IMPG2: variants seen among roughly 807,000 people sequenced by gnomAD.
IMPG2 encodes the protein interphotoreceptor matrix proteoglycan 2.
Under a neutral mutation model 129.2 loss-of-function variants are expected in IMPG2, and 91 were observed. The ratio of observed to expected loss-of-function variants is 0.70; its 90% CI spans 0.59 to 0.84. The LOEUF (loss-of-function observed/expected upper bound fraction) is 0.84, where lower values mean the gene tolerates loss of function less well. Ranked by LOEUF, IMPG2 falls within the 40% of genes least tolerant of loss-of-function variation. The probability of loss-of-function intolerance (pLI) is 0.00; values close to 1 mark genes in which losing one functional copy is unlikely to be tolerated. For synonymous variants in IMPG2, 510 were observed against 517.7 expected, an observed-to-expected ratio of 0.99 and a Z score of 0.20; for missense variants, 1,430 against 1,461.7, an observed-to-expected ratio of 0.98 and a Z score of 0.35.
intron 11 of IMPG2, among the ~76,000 whole-genome samples, chr3:101,249,024 C>T (rs555235154): frequency 5.3e-5 from 8 of 152,164 alleles, no homozygotes; most frequent in Non-Finnish European, 8.8e-5. Flanking sequence ...CCTGCTTCCG[C>T]CAAGCCTCAA....
intron 3 of IMPG2, among the ~76,000 whole-genome samples, chr3:101,297,827 T>G (rs1373426328): frequency 6.6e-6 from 1 of 152,222 alleles, no homozygotes; most frequent in East Asian, 1.9e-4. Flanking sequence ...AGTTACGTGA[T>G]CAATTTTAGA....
At chr3:101,232,517 C>T (rs536067055) in intron 15 of IMPG2, among the ~76,000 whole-genome samples, 10 of 152,060 alleles carry the variant, frequency 6.6e-5, no homozygotes, top group African/African-American at 1.7e-4. Flanking sequence ...GGATTACAGG[C>T]GTGAGCCACT....
intron 10 of IMPG2, among the ~76,000 whole-genome samples, chr3:101,254,903 T>TTC (rs370565511): frequency 8.7e-5 from 13 of 149,300 alleles, no homozygotes; most frequent in South Asian, 2.1e-4. Context: ...GTGTGGCACT[T>TTC]TCTCTCTCTC....
chr3:101,245,538 T>C (rs1451488705), intron 12 of IMPG2, among the ~76,000 whole-genome samples: 3 of 152,216 alleles, frequency 2.0e-5, no homozygotes, highest in Non-Finnish European at 4.4e-5. Context: ...AACTAAACTA[T>C]ATACCCTTCA....
rs146270846 is a variant in IMPG2, at chr3:101,292,661, C to G, written c.502-1151G>C. 3.9e-3 allele frequency among the ~76,000 whole-genome samples: 588 copies of G among 152,226 alleles called. 5 individuals carry two copies. Among genetic ancestry groups the G allele is most frequent in the African/African-American group, 0.014 (562 of 41,550 alleles). On this transcript the variant is annotated intron_variant, in intron 3 of 18. Transcript: ENST00000193391. ...AATAAGACAACAATGAATTTGGCCC[C>G]ATCAATTGATTTTTTCTTTCACGAA...
At chr3:101,272,109 AC>A (rs1706790136) in intron 7 of IMPG2, among the ~76,000 whole-genome samples, 1 of 151,600 alleles carries the variant, frequency 6.6e-6, no homozygotes, top group Non-Finnish European at 1.5e-5. Flanking sequence ...GCACACACAC[AC>A]ACACACACAC....
chr3:101,297,715 G>A (rs1378401670), intron 3 of IMPG2, among the ~76,000 whole-genome samples: 1 of 152,158 alleles, frequency 6.6e-6, no homozygotes, highest in African/African-American at 2.4e-5. Context: ...GGTTTTGAGT[G>A]AGTTTCTTAA....
chr3:101,237,307 A>T (rs1250267464), intron 14 of IMPG2, among the ~76,000 whole-genome samples: 4 of 152,140 alleles, frequency 2.6e-5, no homozygotes, highest in African/African-American at 9.7e-5. Context: ...AGACTTAAAC[A>T]TTCCTGCCTG....
Position 101,231,125 on chromosome 3 carries a change from C to A in IMPG2, c.3254G>T (p.Trp1085Leu). 1 of 1,614,082 alleles carries A rather than the reference C, an allele frequency of 6.2e-7. No individual in the cohort carries two copies. The highest frequency in any genetic ancestry group is 2.2e-5 in the East Asian group (1 of 44,874). The part of the protein sequence containing the change: ...AICRCRVGEN[W>L]WYRGKHCEEF... ...CTCACAGTGCTTGCCTCGGTACCAC[C>A]AGTTCTCACCCACCCGGCACCTGCA... is the stretch of plus-strand genomic sequence containing the variant. The change falls in exon 16 of 19, where the codon TGG (tryptophan) becomes TTG (leucine). Residue 1085 changes from tryptophan to leucine, a missense_variant. Physicochemically the swap from Trp to Leu is moderately conservative, Grantham distance 61 (BLOSUM62 -2). Coordinates refer to ENST00000193391, the MANE Select transcript of IMPG2 (RefSeq NM_016247.4).
At chr3:101,274,059 A>G (rs1706817445) in intron 6 of IMPG2, among the ~76,000 whole-genome samples, 1 of 151,972 alleles carries the variant, frequency 6.6e-6, no homozygotes, top group Admixed American at 6.6e-5. Context: ...TGGGCATGGT[A>G]GTATGCATCT....
chr3:101,288,092 T>G (rs561587054), intron 4 of IMPG2, among the ~76,000 whole-genome samples: 1 of 152,146 alleles, frequency 6.6e-6, no homozygotes, highest in South Asian at 2.1e-4. Context: ...GAAAAGACAC[T>G]TCTCAAAAGA....
chr3:101,306,536 C>A (rs1020658904), intron 2 of IMPG2, among the ~76,000 whole-genome samples: 1 of 151,892 alleles, frequency 6.6e-6, no homozygotes, highest in African/African-American at 2.4e-5. Flanking sequence ...CTTAAAACTT[C>A]GAAATGAAAA....
intron 17 of IMPG2, 80 bp downstream of exon 17, chr3:101,229,300 A>ACCCCCCCCCCCCCCCCCCCCC: frequency 8.1e-6 from 7 of 859,108 alleles, no homozygotes; most frequent in Admixed American, 1.8e-5. Flanking sequence ...ACTCATACAC[A>ACCCCCCCCCCCCCCCCCCCCC]CCCCCACCCA....
At chr3:101,290,067 G>A (rs963751353) in intron 4 of IMPG2, among the ~76,000 whole-genome samples, 1 of 151,874 alleles carries the variant, frequency 6.6e-6, no homozygotes. Context: ...GAAGTTAATC[G>A]AGCCAATAGA....
intron 9 of IMPG2, among the ~76,000 whole-genome samples, chr3:101,260,880 A>G (rs1348093491): frequency 6.6e-6 from 1 of 152,162 alleles, no homozygotes; most frequent in African/African-American, 2.4e-5. Flanking sequence ...TAGCAGTTCA[A>G]TACATACTTG....
At chr3:101,248,173 G>A (rs1576750040) in intron 11 of IMPG2, among the ~76,000 whole-genome samples, 1 of 152,178 alleles carries the variant, frequency 6.6e-6, no homozygotes, top group Non-Finnish European at 1.5e-5. Context: ...GAATTTCCAC[G>A]TGTTGTGGGA....
chr3:101,300,810 C>A (rs574094690), intron 3 of IMPG2, among the ~76,000 whole-genome samples: 2 of 152,256 alleles, frequency 1.3e-5, no homozygotes, highest in African/African-American at 2.4e-5. Flanking sequence ...CCCCGCCCCC[C>A]ACTTTTAATT....
At position 101,282,220 on chromosome 3, in the gene IMPG2, G is replaced by A. The variant is rs572414812; in HGVS notation, c.534-5507C>T. Among the ~76,000 whole-genome samples the A allele has an allele frequency of 4.6e-5, 7 of 152,192 alleles. No individual in the cohort carries two copies. In the South Asian group the frequency reaches 1.5e-3, roughly 32 times the overall value. On this transcript the variant is annotated intron_variant, in intron 4 of 18. Transcript: ENST00000193391. ...GCTTTGTGGTCCATGGAAATCGTGG[G>A]CAAATAAGGGTTTTAATGGATGATG...
chr3:101,296,549 G>A (rs1325066648), intron 3 of IMPG2, among the ~76,000 whole-genome samples: 5 of 152,142 alleles, frequency 3.3e-5, no homozygotes, highest in Non-Finnish European at 5.9e-5. Flanking sequence ...TCTCTTCCAG[G>A]TTTTGGTAGT....
Sources: gnomAD v4.1 joint callset for allele counts (sites outside exome capture counted in the v4.1 genomes callset) on GRCh38, gnomAD v4.1.1 for gene constraint, MANE v1.5 for transcripts, NCBI Gene and HGNC (gene_info 2026-07-23, HGNC 2026-07-21) for gene names.